BPTF: variants seen among roughly 807,000 people sequenced by gnomAD.
The protein encoded by BPTF is bromodomain PHD finger transcription factor.
BPTF carries 18 observed loss-of-function variants against 292.5 expected under a neutral mutation model. That is an observed-to-expected ratio of 0.06 (90% confidence interval 0.04 to 0.09). The LOEUF is 0.09. BPTF is among the 10% of genes least tolerant of loss of function. The probability of loss-of-function intolerance (pLI) is 1.00; values close to 1 mark genes in which losing one functional copy is unlikely to be tolerated. For synonymous variants in BPTF, 1,225 were observed against 1,251.9 expected, an observed-to-expected ratio of 0.98 and a Z score of 0.45; for missense variants, 2,726 against 3,498.7, an observed-to-expected ratio of 0.78 and a Z score of 5.57.
intron 23 of BPTF, among the ~76,000 whole-genome samples, chr17:67,950,455 AACAAAG>A (rs2066244322): frequency 6.6e-6 from 1 of 152,118 alleles, no homozygotes; most frequent in Non-Finnish European, 1.5e-5. Flanking sequence ...AAGCAAAAGA[AACAAAG>A]ACAAAAAATT....
intron 11 of BPTF, among the ~76,000 whole-genome samples, chr17:67,917,755 C>A (rs1269229956): frequency 4.6e-5 from 7 of 152,042 alleles, no homozygotes; most frequent in Non-Finnish European, 1.5e-5. Context: ...GCCTTAGCCT[C>A]CCAAGTAGCT....
rs782257625 is a variant in BPTF at position 67,945,967 on chromosome 17, G to T, written c.7259G>T (p.Arg2420Leu). The T allele has an allele frequency of 1.9e-6, 3 of 1,613,986 alleles. No homozygotes were observed. The highest frequency in any genetic ancestry group is 2.5e-6 in the Non-Finnish European group (3 of 1,180,016). Residue 2420 changes from arginine to leucine, a missense_variant, in exon 21 of 28, where the codon CGT (arginine) becomes CTT (leucine). By Grantham distance (102) the Arg-to-Leu change is moderately radical. Around this residue, in one of 22 missense-constraint regions of BPTF, gnomAD observed 570 missense variants for 633.5 expected, o/e 0.90. Coordinates refer to ENST00000306378, the MANE Select transcript of BPTF (RefSeq NM_182641.4). ...LNQVTVSSPS[R>L]PQLQIQQPQP... ...CAAGTTACTGTTTCATCCCCATCCC[G>T]TCCTCAGCTACAAATACAGCAGCCA... is the stretch of plus-strand genomic sequence containing the variant.
At chr17:67,855,389 C>T (rs904799218) in intron 2 of BPTF, among the ~76,000 whole-genome samples, 1 of 152,186 alleles carries the variant, frequency 6.6e-6, no homozygotes, top group African/African-American at 2.4e-5. Flanking sequence ...TAGCTCAGCT[C>T]ATCCACCCTT....
At chr17:67,925,992 CTTTTTTTTTTTT>C (rs60083535) in intron 15 of BPTF, among the ~76,000 whole-genome samples, 30 of 56,652 alleles carry the variant, frequency 5.3e-4, no homozygotes, top group East Asian at 8.7e-4. Flanking sequence ...TAACATATTA[CTTTTTTTTTTTT>C]TTTTTTTTTT....
Position 67,944,133 on chromosome 17 carries a change from T to C in BPTF, c.6478-17T>C, listed in dbSNP as rs1211726117. ...TGATGCTTTGAACACTGTTTACATGTTGTGTTTTTTCCACAGGGTGGCAAT... is the reference window on the plus strand; with the variant it reads ...TGATGCTTTGAACACTGTTTACATGCTGTGTTTTTTCCACAGGGTGGCAAT... On this transcript the variant is annotated splice_polypyrimidine_tract_variant and intron_variant, in intron 19 of 27. Coordinates refer to ENST00000306378, the MANE Select transcript of BPTF (RefSeq NM_182641.4). 1.9e-6 allele frequency: 3 copies of C among 1,587,476 alleles called. No homozygotes were observed. The highest frequency in any genetic ancestry group is 2.6e-6 in the Non-Finnish European group (3 of 1,155,926).
chr17:67,880,152 C>T (rs921350349), intron 4 of BPTF, among the ~76,000 whole-genome samples: 1 of 151,838 alleles, frequency 6.6e-6, no homozygotes, highest in African/African-American at 2.4e-5. Context: ...TCTATTTTTC[C>T]AATCTGGAAA....
At chr17:67,975,223 A>G (rs1308080464) in intron 26 of BPTF, 2 of 152,344 alleles carry the variant, frequency 1.3e-5, no homozygotes, top group Non-Finnish European at 2.9e-5. Flanking sequence ...TAATATTCGT[A>G]TCAGCTGATA....
chr17:67,935,084 C>T (rs1376141059), intron 18 of BPTF, among the ~76,000 whole-genome samples: 2 of 151,934 alleles, frequency 1.3e-5, no homozygotes, highest in African/African-American at 2.4e-5. Context: ...ACCAAAAATA[C>T]CTCTATTCTT....
intron 11 of BPTF, among the ~76,000 whole-genome samples, chr17:67,916,765 C>CAAAAAA (rs768285922): frequency 1.4e-4 from 8 of 56,342 alleles, no homozygotes; most frequent in African/African-American, 4.0e-4. Context: ...TACTCTGTCT[C>CAAAAAA]AAAAAAAAAA....
At chr17:67,857,469 T>G (rs1006326038) in intron 2 of BPTF, among the ~76,000 whole-genome samples, 5 of 151,284 alleles carry the variant, frequency 3.3e-5, no homozygotes, top group African/African-American at 9.7e-5. Flanking sequence ...CAGCAGATTT[T>G]TTTTTTTTTT....
intron 7 of BPTF, among the ~76,000 whole-genome samples, chr17:67,899,192 G>A (rs1023243744): frequency 1.3e-5 from 2 of 152,128 alleles, no homozygotes; most frequent in South Asian, 4.1e-4. Context: ...ACAAATGGCA[G>A]CCTACCCACA....
chr17:67,913,132 G>C lies in BPTF; in HGVS notation c.5248G>C (p.Ala1750Pro). Reference protein sequence around the residue: ...VPYFNYNAKPALDIWPYPSPR... With the variant: ...VPYFNYNAKPPLDIWPYPSPR... ...TTATTTTAATTACAATGCAAAACCT[G>C]CTTTGGATATATGGCCATATCCTTC... The change falls in exon 11 of 28, where the codon GCT becomes CCT. Residue 1750 changes from alanine to proline, a missense_variant. Physicochemically the swap from Ala to Pro is conservative, Grantham distance 27. Transcript: ENST00000306378. The C allele has an allele frequency of 6.2e-7, 1 of 1,613,966 alleles. No individual in the cohort carries two copies. The highest frequency in any genetic ancestry group is 8.5e-7 in the Non-Finnish European group (1 of 1,179,972).
intron 1 of BPTF, among the ~76,000 whole-genome samples, chr17:67,841,977 A>G (rs2057586508): frequency 6.6e-6 from 1 of 152,076 alleles, no homozygotes; most frequent in African/African-American, 2.4e-5. Context: ...TGCTGTAGGA[A>G]TTACAAAATA....
chr17:67,946,328 A>G lies in BPTF; in HGVS notation c.7617+3A>G. 1 of 1,612,554 alleles carries G rather than the reference A, an allele frequency of 6.2e-7. No homozygotes were observed. The highest frequency in any genetic ancestry group is 8.5e-7 in the Non-Finnish European group (1 of 1,179,316). On this transcript the variant is annotated splice_donor_region_variant and intron_variant, in intron 21 of 27. Transcript: ENST00000306378. ...AAAGTGAAATCATTCAGAAACAGGTAAAGTTATTAAGTAAAAGCAGCATGT... is the reference window on the plus strand; with the variant it reads ...AAAGTGAAATCATTCAGAAACAGGTGAAGTTATTAAGTAAAAGCAGCATGT...
At position 67,945,973 on chromosome 17, in the gene BPTF, A is replaced by C. The variant is rs1390003212; in HGVS notation, c.7265A>C (p.Gln2422Pro). The C allele has an allele frequency of 1.9e-6, 3 of 1,614,070 alleles. No homozygotes were observed. Among genetic ancestry groups the C allele is most frequent in the Non-Finnish European group, 2.5e-6 (3 of 1,180,048 alleles). ...ACTGTTTCATCCCCATCCCGTCCTC[A>C]GCTACAAATACAGCAGCCACAGCCC... ...QVTVSSPSRP[Q>P]LQIQQPQPQV... Residue 2422 changes from glutamine to proline, a missense_variant, in exon 21 of 28, where the codon CAG becomes CCG. Coordinates refer to ENST00000306378, the MANE Select transcript of BPTF (RefSeq NM_182641.4).
At chr17:67,921,487 C>T (rs2063436066) in intron 13 of BPTF, among the ~76,000 whole-genome samples, 1 of 151,846 alleles carries the variant, frequency 6.6e-6, no homozygotes, top group African/African-American at 2.4e-5. Flanking sequence ...GATTGTGCCA[C>T]TGCATTCTAG....
chr17:67,920,627 A>G (rs1161056249), intron 13 of BPTF, among the ~76,000 whole-genome samples: 2 of 152,232 alleles, frequency 1.3e-5, no homozygotes, highest in African/African-American at 2.4e-5. Flanking sequence ...ACTGGGTGGC[A>G]AATACATAGA....
At chr17:67,860,827 G>A (rs1375833919) in intron 2 of BPTF, among the ~76,000 whole-genome samples, 1 of 152,184 alleles carries the variant, frequency 6.6e-6, no homozygotes, top group Non-Finnish European at 1.5e-5. Context: ...CAAAGCGCTA[G>A]GATTACAACA....
intron 18 of BPTF, among the ~76,000 whole-genome samples, chr17:67,932,519 A>C (rs1716638691): frequency 1.3e-5 from 2 of 152,214 alleles, no homozygotes; most frequent in Admixed American, 1.3e-4. Context: ...CAACATGGCA[A>C]AATGCCATCT....
Sources: gnomAD v4.1 joint callset for allele counts (sites outside exome capture counted in the v4.1 genomes callset) on GRCh38, gnomAD v4.1.1 for gene constraint, gnomAD v4.1.1 regional missense constraint, MANE v1.5 for transcripts, NCBI Gene and HGNC (gene_info 2026-07-23, HGNC 2026-07-21) for gene names.